SERHL2: variants seen among roughly 807,000 people sequenced by gnomAD.
SERHL2 encodes serine hydrolase like 2.
Under a neutral mutation model 25.5 loss-of-function variants are expected in SERHL2, and 29 were observed. The observed-to-expected ratio is 1.14, with a 90% CI of 0.85 to 1.55. The LOEUF (loss-of-function observed/expected upper bound fraction) is 1.55, where lower values mean the gene tolerates loss of function less well. Ranked by LOEUF, SERHL2 falls within the 40% of genes most tolerant of loss-of-function variation. The pLI, the probability that SERHL2 is intolerant of heterozygous loss-of-function variation, is 0.00. For missense variants in SERHL2, 240 were observed against 252.3 expected (o/e 0.95, Z 0.33); for synonymous variants, 95 against 103.5 (o/e 0.92, Z 0.50).
At chr22:42,573,604 C>A (rs1480241859) in intron 11 of SERHL2, 1 of 282,282 alleles carries the variant, frequency 3.5e-6, no homozygotes, top group Non-Finnish European at 6.8e-6. Context: ...AGGCTGTTCA[C>A]GCCCCCATCT....
chr22:42,559,291 A>G (rs1922373961), intron 7 of SERHL2, among the ~76,000 whole-genome samples: 1 of 147,732 alleles, frequency 6.8e-6, no homozygotes, highest in Admixed American at 6.7e-5. Context: ...CTGTGGTCCC[A>G]GCTACTCAGC....
chr22:42,568,102 C>G (rs1923654403), intron 9 of SERHL2, among the ~76,000 whole-genome samples: 1 of 151,950 alleles, frequency 6.6e-6, no homozygotes, highest in Admixed American at 6.6e-5. Context: ...ATGGCTCACA[C>G]AGCTTCAACC....
Position 42,572,490 on chromosome 22 carries a change from G to C in SERHL2, c.786G>C (p.Leu262=). 3 of 1,612,220 alleles carry C rather than the reference G, an allele frequency of 1.9e-6. No individual in the cohort carries two copies. Among genetic ancestry groups the C allele is most frequent in the Non-Finnish European group, 2.5e-6 (3 of 1,178,494 alleles). Residue 262 remains leucine, a synonymous_variant, in exon 11 of 12, where the codon CTG becomes CTC. Coordinates refer to ENST00000327678, the MANE Select transcript of SERHL2 (RefSeq NM_014509.5). ...SRQNYSEKES[L]SFMIDTMKST... ...AGAATTACTCTGAGAAGGAGTCCCT[G>C]TCGTTCATGATAGACACGATGAAAT...
Position 42,574,149 on chromosome 22 carries a change from G to C in SERHL2, c.*94G>C. 1 of 1,194,798 alleles carries C rather than the reference G, an allele frequency of 8.4e-7. No homozygotes were observed. The highest frequency in any genetic ancestry group is 1.2e-6 in the Non-Finnish European group (1 of 818,578). 74.0% of individuals were successfully genotyped at this position (1,194,798 alleles called of 1,614,324 possible). ...CCACAACAAGGCCAGGGATGGTGGG[G>C]ACAGGCCTCACTAGTCTTGAGGCCC... On this transcript the variant is annotated 3_prime_UTR_variant, in exon 12 of 12. Transcript: ENST00000327678.
chr22:42,568,806 A>T (rs2146735987), intron 9 of SERHL2, among the ~76,000 whole-genome samples: 1 of 152,038 alleles, frequency 6.6e-6, no homozygotes, highest in African/African-American at 2.4e-5. Flanking sequence ...CTCTACCAAA[A>T]AATACAAAAA....
intron 8 of SERHL2, among the ~76,000 whole-genome samples, chr22:42,563,128 G>A (rs1270128963): frequency 6.6e-6 from 1 of 151,900 alleles, no homozygotes; most frequent in East Asian, 1.9e-4. Flanking sequence ...AGGAGTCGGA[G>A]GCTGCATTGA....
At chr22:42,572,775 G>T (rs956247622) in intron 11 of SERHL2, 2 of 959,196 alleles carry the variant, frequency 2.1e-6, no homozygotes, top group South Asian at 4.8e-5. Context: ...AGCTACTCTC[G>T]TGCCTCAGCC....
intron 1 of SERHL2, 104 bp downstream of exon 1, chr22:42,554,146 T>G (rs1921939475): frequency 2.2e-6 from 3 of 1,362,944 alleles, no homozygotes; most frequent in South Asian, 1.2e-5. Context: ...CGCGTCGCCC[T>G]CCTGGGTGTC....
chr22:42,560,604 C>T lies in SERHL2; in HGVS notation c.613+339C>T, dbSNP rs1436162417. Among the ~76,000 whole-genome samples, 9 of 152,030 alleles carry T rather than the reference C, an allele frequency of 5.9e-5. No homozygotes were observed. The South Asian group carries it at 6.2e-4, about 11-fold the overall frequency. On this transcript the variant is annotated intron_variant, in intron 8 of 11. Coordinates refer to ENST00000327678, the MANE Select transcript of SERHL2 (RefSeq NM_014509.5). ...CAGCGCCAGAGGCAGGCTGTGAGGA[C>T]GTCCCAGGGGCTGAGTGACTTGGGA...
chr22:42,560,423 A>G (rs752736653), intron 8 of SERHL2, among the ~76,000 whole-genome samples, 158 bp downstream of exon 8: 9 of 152,020 alleles, frequency 5.9e-5, no homozygotes, highest in Non-Finnish European at 1.2e-4. Context: ...TTAGAGCAGG[A>G]GAAACCAAGG....
chr22:42,570,873 T>C (rs1408512112), intron 9 of SERHL2, among the ~76,000 whole-genome samples: 2 of 151,812 alleles, frequency 1.3e-5, no homozygotes, highest in African/African-American at 4.8e-5. Context: ...GTATGGGAAA[T>C]GGAGTCAGGC....
At chr22:42,570,433 C>G (rs1293669831) in intron 9 of SERHL2, among the ~76,000 whole-genome samples, 1 of 151,880 alleles carries the variant, frequency 6.6e-6, no homozygotes, top group Non-Finnish European at 1.5e-5. Context: ...AAATAAGGCT[C>G]TAACAATTGT....
At chr22:42,569,410 C>T (rs1361450161) in intron 9 of SERHL2, 5 of 151,958 alleles carry the variant, frequency 3.3e-5, no homozygotes, top group East Asian at 3.9e-4. Context: ...AGGCGCCTGA[C>T]ACCATGCCCA....
At chr22:42,568,727 T>G (rs1455079674) in intron 9 of SERHL2, among the ~76,000 whole-genome samples, 3 of 151,976 alleles carry the variant, frequency 2.0e-5, no homozygotes, top group East Asian at 1.9e-4. Context: ...CACTTTGGGA[T>G]GCCAAGGCAG....
At chr22:42,567,681 TA>T (rs1414570941) in intron 9 of SERHL2, among the ~76,000 whole-genome samples, 1 of 119,366 alleles carries the variant, frequency 8.4e-6, no homozygotes, top group Admixed American at 7.9e-5. Context: ...AAAAAAAAAA[TA>T]AATAAATAAA....
Position 42,560,242 on chromosome 22 carries a change from G to A in SERHL2, c.590G>A (p.Arg197Lys), listed in dbSNP as rs1460415723. ...GAGTGCGGGGAGCTTCTCCTGCAAA[G>A]AGGAACCACGAAGGTGGCCACAGGT... ...SEECGELLLQRGTTKVATGLV... is the reference protein window; with the variant it reads ...SEECGELLLQKGTTKVATGLV... The change falls in exon 8 of 12, where the codon AGA (arginine) becomes AAA (lysine). Residue 197 changes from arginine to lysine, a missense_variant. Physicochemically the swap from Arg to Lys is conservative, Grantham distance 26. Transcript: ENST00000327678. 5 of 1,612,484 alleles carry A rather than the reference G, an allele frequency of 3.1e-6. No individual in the cohort carries two copies. In the Middle Eastern group the frequency reaches 6.6e-4, roughly 213 times the overall value.
chr22:42,567,303 T>A (rs1273196979), intron 9 of SERHL2, among the ~76,000 whole-genome samples: 1 of 152,010 alleles, frequency 6.6e-6, no homozygotes, highest in East Asian at 1.9e-4. Context: ...CGTGTGGGAT[T>A]TGTTCTTGAG....
In SERHL2 at chr22:42,560,198, C is replaced by A. The variant is rs778326624; in HGVS notation, c.546C>A (p.Ser182Arg). The A allele has an allele frequency of 1.2e-6, 2 of 1,612,106 alleles. No individual in the cohort carries two copies. The highest frequency in any genetic ancestry group is 1.3e-5 in the African/African-American group (1 of 74,878). ...TGTCTCCCCCCAGGTTACTGAAGAG[C>A]AATAGCCACTTGAGTGAGGAGTGCG... is the stretch of plus-strand genomic sequence containing the variant. Reference protein sequence around the residue: ...LKQLLQRLLKSNSHLSEECGE... With the variant: ...LKQLLQRLLKRNSHLSEECGE... The change falls in exon 8 of 12, where the codon AGC (serine) becomes AGA (arginine). Residue 182 changes from serine to arginine, a missense_variant. By Grantham distance (110) the Ser-to-Arg change is moderately radical. Coordinates refer to ENST00000327678, the MANE Select transcript of SERHL2 (RefSeq NM_014509.5).
At chr22:42,562,129 C>T (rs921466246) in intron 8 of SERHL2, among the ~76,000 whole-genome samples, 2 of 151,742 alleles carry the variant, frequency 1.3e-5, no homozygotes, top group African/African-American at 4.8e-5. Context: ...CCCTCTGCAG[C>T]AGTTGTGGCC....
Sources: gnomAD v4.1 joint callset for allele counts (sites outside exome capture counted in the v4.1 genomes callset) on GRCh38, gnomAD v4.1.1 for gene constraint, MANE v1.5 for transcripts, NCBI Gene and HGNC (gene_info 2026-07-23, HGNC 2026-07-21) for gene names.